Variants in ISG15 observed in about 807,000 individuals in gnomAD.
The protein encoded by ISG15 is ubiquitin-like protein ISG15.
In ISG15, 2 loss-of-function variants were observed where a neutral mutation model predicts 2.4. The observed-to-expected ratio is 0.82, with a 90% CI of 0.33 to 2.57. The LOEUF is 2.57. Among genes scored for constraint, ISG15 ranks in the 30% most tolerant of loss-of-function variants. The probability of loss-of-function intolerance (pLI) is 0.11; values close to 1 mark genes in which losing one functional copy is unlikely to be tolerated. For synonymous variants in ISG15, 116 were observed against 108.1 expected, an observed-to-expected ratio of 1.07 and a Z score of -0.45; for missense variants, 224 against 228.4, an observed-to-expected ratio of 0.98 and a Z score of 0.13.
At position 1,014,326 on chromosome 1, in the gene ISG15, G is replaced by A; in HGVS notation, c.346G>A (p.Gly116Ser). Residue 116 changes from glycine to serine, a missense_variant, in exon 2 of 2, where the codon GGT becomes AGT. Coordinates refer to ENST00000649529, the MANE Select transcript of ISG15 (RefSeq NM_005101.4). Reference sequence around the variant, plus strand: ...GAAGCAGCAAGTGAGCGGGCTGGAGGGTGTGCAGGACGACCTGTTCTGGCT... The same window carrying A: ...GAAGCAGCAAGTGAGCGGGCTGGAGAGTGTGCAGGACGACCTGTTCTGGCT... ...HLKQQVSGLE[G>S]VQDDLFWLTF... is the part of the protein sequence containing the mutation. 1 of 1,613,728 alleles carries A rather than the reference G, an allele frequency of 6.2e-7. No individual in the cohort carries two copies. The highest frequency in any genetic ancestry group is 8.5e-7 in the Non-Finnish European group (1 of 1,180,016).
chr1:1,013,560 C>T lies in ISG15; in HGVS notation c.-14C>T, dbSNP rs774436772. 7 of 1,613,434 alleles carry T rather than the reference C, an allele frequency of 4.3e-6. No homozygotes were observed. Among genetic ancestry groups the T allele is most frequent in the Non-Finnish European group, 5.9e-6 (7 of 1,179,816 alleles). On this transcript the variant is annotated 5_prime_UTR_variant, in exon 1 of 2. Coordinates refer to ENST00000649529, the MANE Select transcript of ISG15 (RefSeq NM_005101.4). ...GGAGCTTGTGCCGTGGCCCACAGCC[C>T]ACAGCCCACAGCCATGGTAAGGCAG...
At position 1,013,544 on chromosome 1, in the gene ISG15, G is replaced by GCCGTGGC; in HGVS notation, c.-27_-21dup. On this transcript the variant is annotated 5_prime_UTR_variant, in exon 1 of 2. Coordinates refer to ENST00000649529, the MANE Select transcript of ISG15 (RefSeq NM_005101.4). ...CATCTTTGCCAGTACAGGAGCTTGT[G>GCCGTGGC]CCGTGGCCCACAGCCCACAGCCCAC... 6.2e-7 allele frequency: 1 copy of GCCGTGGC among 1,612,972 alleles called. No individual in the cohort carries two copies. The highest frequency in any genetic ancestry group is 8.5e-7 in the Non-Finnish European group (1 of 1,179,516).
rs747151937 is a variant in ISG15, at chr1:1,014,421, C to T, written c.441C>T (p.Thr147=). Residue 147 remains threonine (T), a synonymous_variant, in exon 2 of 2, where the codon ACC becomes ACT. Coordinates refer to ENST00000649529, the MANE Select transcript of ISG15 (RefSeq NM_005101.4). ...LGEYGLKPLS[T]VFMNLRLRGG... ...AGTACGGCCTCAAGCCCCTGAGCAC[C>T]GTGTTCATGAATCTGCGCCTGCGGG... 5.6e-6 allele frequency: 9 copies of T among 1,612,588 alleles called. No homozygotes were observed. The highest frequency in any genetic ancestry group is 7.6e-6 in the Non-Finnish European group (9 of 1,179,540).
Position 1,014,369 on chromosome 1 carries a change from C to T in ISG15, c.389C>T (p.Pro130Leu). The T allele has an allele frequency of 6.2e-7, 1 of 1,613,480 alleles. No individual in the cohort carries two copies. Among genetic ancestry groups the T allele is most frequent in the Non-Finnish European group, 8.5e-7 (1 of 1,180,030 alleles). Reference protein sequence around the residue: ...DLFWLTFEGKPLEDQLPLGEY... With the variant: ...DLFWLTFEGKLLEDQLPLGEY... ...TTCTGGCTGACCTTCGAGGGGAAGC[C>T]CCTGGAGGACCAGCTCCCGCTGGGG... The change falls in exon 2 of 2, where the codon CCC becomes CTC. Residue 130 changes from proline (P) to leucine (L), a missense_variant. Pro to Leu is a moderately conservative substitution (Grantham distance 98). Coordinates refer to ENST00000649529, the MANE Select transcript of ISG15 (RefSeq NM_005101.4).
At chr1:1,013,922 G>A (rs1008188915) in intron 1 of ISG15, 62 bp from the exon 2 acceptor site, 3 of 1,537,052 alleles carry the variant, frequency 2.0e-6, no homozygotes, top group Non-Finnish European at 8.8e-7. Context: ...TGCAGCCAGT[G>A]CCTTGTGTGT....
chr1:1,013,842 G>T, intron 1 of ISG15, 142 bp from the exon 2 acceptor site: 1 of 1,204,854 alleles, frequency 8.3e-7, no homozygotes, highest in South Asian at 1.5e-5. Flanking sequence ...TTCTGTGCCT[G>T]GGGTCCCTGC....
At position 1,014,495 on chromosome 1, in the gene ISG15, C is replaced by T; in HGVS notation, c.*17C>T. 6.3e-7 allele frequency: 1 copy of T among 1,588,538 alleles called. No individual in the cohort carries two copies. Among genetic ancestry groups the T allele is most frequent in the Non-Finnish European group, 8.6e-7 (1 of 1,165,540 alleles). On this transcript the variant is annotated 3_prime_UTR_variant, in exon 2 of 2. Coordinates refer to ENST00000649529, the MANE Select transcript of ISG15 (RefSeq NM_005101.4). ...CGGAGCTAAGGGCCTCCACCAGCAT[C>T]CGAGCAGGATCAAGGGCCGGAAATA...
In ISG15 at chr1:1,014,346, C is replaced by G. The variant is rs1181220146; in HGVS notation, c.366C>G (p.Phe122Leu). The change falls in exon 2 of 2, where the codon TTC becomes TTG. Residue 122 changes from phenylalanine (F) to leucine (L), a missense_variant. Coordinates refer to ENST00000649529, the MANE Select transcript of ISG15 (RefSeq NM_005101.4). ...SGLEGVQDDL[F>L]WLTFEGKPLE... ...TGGAGGGTGTGCAGGACGACCTGTT[C>G]TGGCTGACCTTCGAGGGGAAGCCCC... The G allele has an allele frequency of 1.9e-6, 3 of 1,613,536 alleles. No homozygotes were observed. Among genetic ancestry groups the G allele is most frequent in the Middle Eastern group, 1.6e-4 (1 of 6,084 alleles).
Position 1,014,520 on chromosome 1 carries a change from A to T in ISG15, c.*42A>T, listed in dbSNP as rs1241182943. The T allele has an allele frequency of 6.7e-5, 104 of 1,554,494 alleles. No individual in the cohort carries two copies. The highest frequency in any genetic ancestry group is 8.9e-5 in the Non-Finnish European group (102 of 1,152,106). ...CCGAGCAGGATCAAGGGCCGGAAAT[A>T]AAGGCTGTTGTAAAGAGAAATGGCC... On this transcript the variant is annotated 3_prime_UTR_variant, in exon 2 of 2. Transcript: ENST00000649529.
chr1:1,013,954 G>T (rs1271278563), intron 1 of ISG15, 30 bp from the exon 2 acceptor site: 6 of 1,559,162 alleles, frequency 3.8e-6, no homozygotes, highest in East Asian at 4.5e-5. Context: ...GGCTGGCGCC[G>T]CAGTCTCTGA....
At position 1,014,094 on chromosome 1, in the gene ISG15, G is replaced by A; in HGVS notation, c.114G>A (p.Val38=). The change falls in exon 2 of 2, where the codon GTG becomes GTA. Residue 38 remains valine (V), a synonymous_variant. Transcript: ENST00000649529. ...CGCAGATCACCCAGAAGATCGGCGTGCACGCCTTCCAGCAGCGTCTGGCTG... is the reference window on the plus strand; with the variant it reads ...CGCAGATCACCCAGAAGATCGGCGTACACGCCTTCCAGCAGCGTCTGGCTG... ...LKAQITQKIG[V]HAFQQRLAVH... The A allele has an allele frequency of 2.9e-5, 46 of 1,613,272 alleles. No homozygotes were observed. The highest frequency in any genetic ancestry group is 3.6e-5 in the Non-Finnish European group (43 of 1,179,746).
rs534285649 is a variant in ISG15 at position 1,014,268 on chromosome 1, C to T, written c.288C>T (p.Tyr96=). ...VRNNKGRSST[Y]EVRLTQTVAH... ...ATAACAAGGGCCGCAGCAGCACCTA[C>T]GAGGTACGGCTGACGCAGACCGTGG... Residue 96 remains tyrosine (Y), a synonymous_variant, in exon 2 of 2, where the codon TAC becomes TAT. Coordinates refer to ENST00000649529, the MANE Select transcript of ISG15 (RefSeq NM_005101.4). 2.6e-5 allele frequency: 42 copies of T among 1,613,650 alleles called. No homozygotes were observed. In the South Asian group the frequency reaches 3.6e-4, roughly 14 times the overall value.
intron 1 of ISG15, 58 bp downstream of exon 1, chr1:1,013,634 C>A: frequency 6.3e-7 from 1 of 1,594,718 alleles, no homozygotes; most frequent in Non-Finnish European, 8.6e-7. Context: ...ATTTTCGTCT[C>A]CCTCCCCCAG....
At position 1,013,500 on chromosome 1, in the gene ISG15, G is replaced by A. The variant is rs1478315885; in HGVS notation, c.-74G>A. The stretch of plus-strand genomic sequence containing the variant: ...GCCGGTGCTGCCTGCCGAAGCCGGC[G>A]GCTGAGAGGCAGCGAACTCATCTTT... On this transcript the variant is annotated 5_prime_UTR_variant, in exon 1 of 2. Transcript: ENST00000649529. The A allele has an allele frequency of 6.0e-6, 9 of 1,502,034 alleles. No homozygotes were observed. Among genetic ancestry groups the A allele is most frequent in the African/African-American group, 1.4e-5 (1 of 73,218 alleles). 93.0% of individuals were successfully genotyped at this position (1,502,034 alleles called of 1,614,324 possible).
rs772678258 is a variant in ISG15, at chr1:1,014,403, C to T, written c.423C>T (p.Gly141=). ...LEDQLPLGEY[G]LKPLSTVFMN... ...ACCAGCTCCCGCTGGGGGAGTACGG[C>T]CTCAAGCCCCTGAGCACCGTGTTCA... The change falls in exon 2 of 2, where the codon GGC becomes GGT. Residue 141 remains glycine (G), a synonymous_variant. Transcript: ENST00000649529. The T allele has an allele frequency of 8.7e-6, 14 of 1,613,198 alleles. No homozygotes were observed. The highest frequency in any genetic ancestry group is 1.1e-5 in the South Asian group (1 of 91,078).
In ISG15 at chr1:1,014,316, C is replaced by T. The variant is rs564613358; in HGVS notation, c.336C>T (p.Ser112=). ...TGGCCCACCTGAAGCAGCAAGTGAG[C>T]GGGCTGGAGGGTGTGCAGGACGACC... ...QTVAHLKQQV[S]GLEGVQDDLF... Residue 112 remains serine (S), a synonymous_variant, in exon 2 of 2, where the codon AGC becomes AGT. Transcript: ENST00000649529. 1.7e-5 allele frequency: 27 copies of T among 1,613,702 alleles called. No individual in the cohort carries two copies. The highest frequency in any genetic ancestry group is 1.2e-4 in the African/African-American group (9 of 75,064).
chr1:1,013,940 C>T (rs1325364096), intron 1 of ISG15, 44 bp from the exon 2 acceptor site: 2 of 1,550,578 alleles, frequency 1.3e-6, no homozygotes, highest in East Asian at 4.5e-5. Flanking sequence ...TGTGGTGGGC[C>T]TGGGGCTGGC....
In ISG15 at chr1:1,013,497, G is replaced by A. The variant is rs925946240; in HGVS notation, c.-77G>A. On this transcript the variant is annotated 5_prime_UTR_variant, in exon 1 of 2. Coordinates refer to ENST00000649529, the MANE Select transcript of ISG15 (RefSeq NM_005101.4). ...AGGGCCGGTGCTGCCTGCCGAAGCC[G>A]GCGGCTGAGAGGCAGCGAACTCATC... is the stretch of plus-strand genomic sequence containing the variant. 1.2e-5 allele frequency: 18 copies of A among 1,486,702 alleles called. No homozygotes were observed. Among genetic ancestry groups the A allele is most frequent in the Middle Eastern group, 1.7e-4 (1 of 5,784 alleles). The allele number at this position is 1,486,702 out of a possible 1,614,324, so 92.1% of individuals were successfully genotyped here. A position where few individuals can be genotyped will look rare whatever the true frequency, so the allele number is the denominator to read the frequency against.
chr1:1,014,063 T>C lies in ISG15; in HGVS notation c.83T>C (p.Leu28Pro). 6.2e-7 allele frequency: 1 copy of C among 1,613,046 alleles called. No homozygotes were observed. The highest frequency in any genetic ancestry group is 8.5e-7 in the Non-Finnish European group (1 of 1,179,524). ...SLSSSMSVSE[L>P]KAQITQKIGV... Reference sequence around the variant, plus strand: ...AGCAGCTCCATGTCGGTGTCAGAGCTGAAGGCGCAGATCACCCAGAAGATC... The same window carrying C: ...AGCAGCTCCATGTCGGTGTCAGAGCCGAAGGCGCAGATCACCCAGAAGATC... The change falls in exon 2 of 2, where the codon CTG (leucine) becomes CCG (proline). Residue 28 changes from leucine (L) to proline (P), a missense_variant. Leu to Pro is a moderately conservative substitution (Grantham distance 98). Transcript: ENST00000649529.
Sources: gnomAD v4.1 joint callset for allele counts on GRCh38, gnomAD v4.1.1 for gene constraint, MANE v1.5 for transcripts, NCBI Gene and HGNC (gene_info 2026-07-23, HGNC 2026-07-21) for gene names.